Variants in CKAP5 observed in about 807,000 individuals in gnomAD.
CKAP5 encodes the protein cytoskeleton associated protein 5, also known as cytoskeleton-associated protein 5.
CKAP5 carries 27 observed loss-of-function variants against 232.8 expected under a neutral mutation model. The observed-to-expected ratio is 0.12, with a 90% confidence interval of 0.09 to 0.16. The LOEUF (loss-of-function observed/expected upper bound fraction) is 0.16, where lower values mean the gene tolerates loss of function less well. Among genes scored for constraint, CKAP5 ranks in the 10% least tolerant of loss-of-function variants. CKAP5 has a pLI of 1.00. For missense variants in CKAP5, 1,838 were observed against 2,424.7 expected (o/e 0.76, Z 5.08); for synonymous variants, 785 against 841.1 (o/e 0.93, Z 1.16).
In CKAP5 at chr11:46,821,286, G is replaced by A; in HGVS notation, c.-37-18C>T. On this transcript the variant is annotated intron_variant, in intron 1 of 43. Coordinates refer to ENST00000529230, the MANE Select transcript of CKAP5 (RefSeq NM_001008938.4). The stretch of plus-strand genomic sequence containing the variant: ...AGTATTTCCTGGTCAGATAAAGGTA[G>A]AAACCTGCTTAGCAACCAGGCAGTC... 1 of 1,296,822 alleles carries A rather than the reference G, an allele frequency of 7.7e-7. No individual in the cohort carries two copies. Among genetic ancestry groups the A allele is most frequent in the Non-Finnish European group, 1.1e-6 (1 of 902,834 alleles). The allele number at this position is 1,296,822 out of a possible 1,614,324, so 80.3% of individuals were successfully genotyped here. A position where few individuals can be genotyped will look rare whatever the true frequency, so the allele number is the denominator to read the frequency against.
At chr11:46,820,969 C>T (rs1939510167) in intron 2 of CKAP5, 2 of 528,958 alleles carry the variant, frequency 3.8e-6, no homozygotes, top group South Asian at 5.2e-5. Context: ...TCACTAATAT[C>T]TTTTCTTTGA....
chr11:46,835,882 G>C (rs982280570), intron 1 of CKAP5, among the ~76,000 whole-genome samples: 2 of 152,176 alleles, frequency 1.3e-5, no homozygotes, highest in Non-Finnish European at 2.9e-5. Context: ...ACTTAATCAA[G>C]TGATCATGGT....
In CKAP5 at chr11:46,783,317, G is replaced by A. The variant is rs781212268; in HGVS notation, c.2206C>T (p.Leu736=). 8 of 1,612,582 alleles carry A rather than the reference G, an allele frequency of 5.0e-6. No individual in the cohort carries two copies. Among genetic ancestry groups the A allele is most frequent in the African/African-American group, 1.3e-5 (1 of 74,834 alleles). Reference sequence around the variant, plus strand: ...TTTATGGCATTTGATAGCCAATTCAGAGTTTCTGACTGATTTTTGGGATTC... The same window carrying A: ...TTTATGGCATTTGATAGCCAATTCAAAGTTTCTGACTGATTTTTGGGATTC... ...QKNPKNQSET[L]NWLSNAIKEF... The change falls in exon 18 of 44, where the codon CTG becomes TTG. Residue 736 remains leucine, a synonymous_variant. Transcript: ENST00000529230.
chr11:46,842,966 C>T (rs1303204102), intron 1 of CKAP5, among the ~76,000 whole-genome samples: 1 of 39,408 alleles, frequency 2.5e-5, no homozygotes, highest in Non-Finnish European at 4.6e-5. Flanking sequence ...GACTCCGTCT[C>T]AAAAAAAAAA....
rs911465730 is a variant in CKAP5, at chr11:46,784,502, A to G, written c.2140T>C (p.Trp714Arg). Reference sequence around the variant, plus strand: ...GTGTCACTAACCTGTTCAGCAGTCCATGGTAACATACAGGCTTCGGCTATT... The same window carrying G: ...GTGTCACTAACCTGTTCAGCAGTCCGTGGTAACATACAGGCTTCGGCTATT... The part of the protein sequence containing the change: ...TAIAEACMLP[W>R]TAEQVVSMAF... The change falls in exon 17 of 44, where the codon TGG becomes CGG. Residue 714 changes from tryptophan (W) to arginine (R), a missense_variant. By Grantham distance (101) the Trp-to-Arg change is moderately radical (BLOSUM62 -3). Around this residue, in one of 6 missense-constraint regions of CKAP5, gnomAD observed 767 missense variants for 954.6 expected, o/e 0.80. Transcript: ENST00000529230. The G allele has an allele frequency of 6.2e-7, 1 of 1,613,796 alleles. No homozygotes were observed. Among genetic ancestry groups the G allele is most frequent in the Admixed American group, 1.7e-5 (1 of 59,978 alleles).
At position 46,796,801 on chromosome 11, in the gene CKAP5, T is replaced by C. The variant is rs1251009168; in HGVS notation, c.1467+11A>G. ...GTTGTCCAATTTCAGTCCAATCCAT[T>C]ACTAACCTACCTTATCAAGCTTGAG... On this transcript the variant is annotated intron_variant, in intron 12 of 43. Transcript: ENST00000529230. The C allele has an allele frequency of 6.2e-7, 1 of 1,613,310 alleles. No individual in the cohort carries two copies. Among genetic ancestry groups the C allele is most frequent in the South Asian group, 1.1e-5 (1 of 91,024 alleles).
At chr11:46,819,595 T>C (rs371509341) in intron 2 of CKAP5, among the ~76,000 whole-genome samples, 59 of 152,270 alleles carry the variant, frequency 3.9e-4, no homozygotes, top group East Asian at 3.3e-3. Context: ...GATCAACATA[T>C]GATTGAAAAA....
intron 1 of CKAP5, among the ~76,000 whole-genome samples, chr11:46,829,091 A>G (rs183502697): frequency 1.6e-4 from 24 of 152,364 alleles, no homozygotes; most frequent in African/African-American, 5.0e-4. Context: ...TAAAGTAAAC[A>G]AAAGATGATA....
At chr11:46,827,415 G>C (rs1395976175) in intron 1 of CKAP5, among the ~76,000 whole-genome samples, 1 of 152,064 alleles carries the variant, frequency 6.6e-6, no homozygotes, top group Non-Finnish European at 1.5e-5. Flanking sequence ...GGTAATAGAA[G>C]GTGAAATAGA....
chr11:46,816,836 G>A (rs1002499058), intron 3 of CKAP5, among the ~76,000 whole-genome samples: 17 of 147,288 alleles, frequency 1.2e-4, no homozygotes, highest in Non-Finnish European at 2.5e-4. Context: ...GTCGGGTATG[G>A]TGGCTCATGC....
At chr11:46,791,837 C>T (rs901464423) in intron 13 of CKAP5, among the ~76,000 whole-genome samples, 2 of 152,072 alleles carry the variant, frequency 1.3e-5, no homozygotes, top group African/African-American at 4.8e-5. Flanking sequence ...GTTCCTTGTA[C>T]CTATTTTGGA....
intron 8 of CKAP5, among the ~76,000 whole-genome samples, chr11:46,804,961 C>T (rs753990649): frequency 6.6e-6 from 1 of 151,768 alleles, no homozygotes; most frequent in Non-Finnish European, 1.5e-5. Context: ...ATAGGCCAGG[C>T]GCAGTGGCTC....
intron 1 of CKAP5, among the ~76,000 whole-genome samples, chr11:46,829,628 A>G (rs1269345987): frequency 6.6e-6 from 1 of 152,210 alleles, no homozygotes; most frequent in African/African-American, 2.4e-5. Flanking sequence ...TATGTGTTAA[A>G]CAATTATGTT....
Position 46,790,478 on chromosome 11 carries a change from C to T in CKAP5, c.1756G>A (p.Glu586Lys). The change falls in exon 14 of 44, where the codon GAG becomes AAG. Residue 586 changes from glutamate to lysine, a missense_variant. By Grantham distance (56) the Glu-to-Lys change is moderately conservative. Transcript: ENST00000529230. ...GLETKEIVEPELSIEVCEEKA... is the reference protein window; with the variant it reads ...GLETKEIVEPKLSIEVCEEKA... ...AGTGTGTTAATACTGACCGAGAGCT[C>T]AGGCTCCACTATTTCTTTAGTCTCC... 6.2e-7 allele frequency: 1 copy of T among 1,610,994 alleles called. No individual in the cohort carries two copies. The highest frequency in any genetic ancestry group is 8.5e-7 in the Non-Finnish European group (1 of 1,177,272).
intron 11 of CKAP5, 95 bp from the exon 12 acceptor site, chr11:46,797,035 G>C: frequency 1.4e-6 from 2 of 1,395,726 alleles, no homozygotes; most frequent in Non-Finnish European, 2.0e-6. Context: ...TAAAGAATTT[G>C]CTTTTTACAA....
intron 26 of CKAP5, among the ~76,000 whole-genome samples, chr11:46,768,110 C>T (rs1290749234): frequency 6.6e-6 from 1 of 151,866 alleles, no homozygotes; most frequent in Non-Finnish European, 1.5e-5. Flanking sequence ...TTTTTTTTTC[C>T]TAATAATTTT....
chr11:46,753,743 C>T (rs891819074), intron 36 of CKAP5, among the ~76,000 whole-genome samples: 3 of 151,274 alleles, frequency 2.0e-5, no homozygotes, highest in Non-Finnish European at 4.4e-5. Context: ...CCCACCACCA[C>T]GCTGGGCTAA....
At chr11:46,788,537 G>A (rs1220812996) in intron 16 of CKAP5, 144 bp downstream of exon 16, 10 of 545,274 alleles carry the variant, frequency 1.8e-5, no homozygotes, top group Non-Finnish European at 2.9e-5. Context: ...TCGTGCCATT[G>A]CACTCCAGCC....
At chr11:46,822,896 T>C (rs1334137356) in intron 1 of CKAP5, among the ~76,000 whole-genome samples, 1 of 152,206 alleles carries the variant, frequency 6.6e-6, no homozygotes, top group Non-Finnish European at 1.5e-5. Flanking sequence ...TTATACATAT[T>C]CTTTATGTAA....
Sources: gnomAD v4.1 joint callset for allele counts (sites outside exome capture counted in the v4.1 genomes callset) on GRCh38, gnomAD v4.1.1 for gene constraint, gnomAD v4.1.1 regional missense constraint, MANE v1.5 for transcripts, NCBI Gene and HGNC (gene_info 2026-07-23, HGNC 2026-07-21) for gene names.